GAREM1: variants seen among roughly 807,000 people sequenced by gnomAD.
GAREM1 encodes GRB2 associated regulator of MAPK1 subtype 1.
Under a neutral mutation model 71.3 loss-of-function variants are expected in GAREM1, and 26 were observed. The ratio of observed to expected loss-of-function variants is 0.36; its 90% CI spans 0.27 to 0.51. GAREM1 has a LOEUF of 0.51. GAREM1 is among the 20% of genes least tolerant of loss of function. The pLI is 0.95. For synonymous variants in GAREM1, 440 were observed against 433.2 expected (o/e 1.02, Z -0.20); for missense variants, 1,026 against 1,103.1 (o/e 0.93, Z 0.99).
At chr18:32,452,421 C>T (rs1413857876) in intron 1 of GAREM1, among the ~76,000 whole-genome samples, 1 of 152,180 alleles carries the variant, frequency 6.6e-6, no homozygotes, top group African/African-American at 2.4e-5. Flanking sequence ...TCTGTTCAGG[C>T]GTTCCAAACC....
intron 2 of GAREM1, among the ~76,000 whole-genome samples, chr18:32,365,685 A>C (rs11873196): frequency 0.013 from 1,951 of 151,978 alleles, 52 homozygotes; most frequent in African/African-American, 0.045. Flanking sequence ...CCTGCTTCAC[A>C]CTCCCACTAC....
chr18:32,282,023 G>C (rs916883690), intron 4 of GAREM1, among the ~76,000 whole-genome samples: 1 of 151,656 alleles, frequency 6.6e-6, no homozygotes, highest in Non-Finnish European at 1.5e-5. Context: ...AGCACCTTGC[G>C]ACCCCCACTC....
At chr18:32,453,974 AG>A (rs895217517) in intron 1 of GAREM1, among the ~76,000 whole-genome samples, 3 of 152,110 alleles carry the variant, frequency 2.0e-5, no homozygotes, top group African/African-American at 7.2e-5. Flanking sequence ...CAGAATCTAT[AG>A]GGGGGTGGGG....
chr18:32,271,932 T>C lies in GAREM1; in HGVS notation c.1567-1549A>G, dbSNP rs148821764. Among the ~76,000 whole-genome samples the C allele has an allele frequency of 3.1e-3, 472 of 152,314 alleles. 3 individuals are homozygous for C. Among genetic ancestry groups the C allele is most frequent in the African/African-American group, 0.011 (445 of 41,574 alleles). On this transcript the variant is annotated intron_variant, in intron 4 of 5. Transcript: ENST00000269209. ...GGCTCTGCTAGTCTACCCTAAGCTATAGAGGTAAAAATATTAACAGAGCCA... is the reference window on the plus strand; with the variant it reads ...GGCTCTGCTAGTCTACCCTAAGCTACAGAGGTAAAAATATTAACAGAGCCA...
intron 4 of GAREM1, among the ~76,000 whole-genome samples, chr18:32,271,203 T>TA (rs2041457842): frequency 6.6e-6 from 1 of 152,100 alleles, no homozygotes; most frequent in African/African-American, 2.4e-5. Flanking sequence ...TTATTTTTTT[T>TA]ATTTTTCAAG....
At chr18:32,317,901 C>T (rs967904310) in intron 2 of GAREM1, among the ~76,000 whole-genome samples, 2 of 150,320 alleles carry the variant, frequency 1.3e-5, no homozygotes, top group Admixed American at 1.3e-4. Context: ...CACATATTCC[C>T]ACAATCCCCA....
Position 32,268,343 on chromosome 18 carries a change from G to A in GAREM1, c.2159C>T (p.Thr720Met), listed in dbSNP as rs2276374. Residue 720 changes from threonine to methionine, a missense_variant, in exon 6 of 6, where the codon ACG (threonine) becomes ATG (methionine). Physicochemically the swap from Thr to Met is moderately conservative, Grantham distance 81. Around this residue, in one of 3 missense-constraint regions of GAREM1, gnomAD observed 636 missense variants for 631.2 expected, o/e 1.01. Transcript: ENST00000269209. The stretch of plus-strand genomic sequence containing the variant: ...CCTGGGGGGTAAGGCAGGGCATGAC[G>A]TACTCTGCTTTGTCACACCAGCTGC... ...SLAAGVTKQS[T>M]SCPALPPRAP... The A allele has an allele frequency of 4.2e-4, 685 of 1,614,124 alleles. 4 individuals carry two copies. In the East Asian group the frequency reaches 0.012, roughly 28 times the overall value.
chr18:32,311,617 T>A (rs575138714), intron 2 of GAREM1, among the ~76,000 whole-genome samples: 1 of 152,028 alleles, frequency 6.6e-6, no homozygotes, highest in Non-Finnish European at 1.5e-5. Flanking sequence ...AGGGTCGTGC[T>A]TGGTAGTTGC....
chr18:32,343,938 C>G (rs1191275202), intron 2 of GAREM1, among the ~76,000 whole-genome samples: 1 of 152,128 alleles, frequency 6.6e-6, no homozygotes, highest in Non-Finnish European at 1.5e-5. Context: ...GCTCCTTTCC[C>G]CCACAAGCCT....
chr18:32,267,575 T>A lies in GAREM1; in HGVS notation c.*296A>T. 1 of 238,422 alleles carries A rather than the reference T, an allele frequency of 4.2e-6. No individual in the cohort carries two copies. Among genetic ancestry groups the A allele is most frequent in the Admixed American group, 5.2e-5 (1 of 19,236 alleles). 14.8% of individuals were successfully genotyped at this position (238,422 alleles called of 1,614,324 possible). A position where few individuals can be genotyped will look rare whatever the true frequency, so the allele number is the denominator to read the frequency against. On this transcript the variant is annotated 3_prime_UTR_variant, in exon 6 of 6. Coordinates refer to ENST00000269209, the MANE Select transcript of GAREM1 (RefSeq NM_001242409.2). ...GTAATAAATATCATACCTTCTCACA[T>A]AAACCTACTTGGGTAAGAATGATTT... is the stretch of plus-strand genomic sequence containing the variant.
At position 32,263,876 on chromosome 18, in the gene GAREM1, A is replaced by G. The variant is rs2041338241; in HGVS notation, c.*3995T>C. The stretch of plus-strand genomic sequence containing the variant: ...GCTAAGAAATTATCTGAGCCCTACT[A>G]CATGAGATTGTAAACAAAGGAAATT... On this transcript the variant is annotated 3_prime_UTR_variant, in exon 6 of 6. Coordinates refer to ENST00000269209, the MANE Select transcript of GAREM1 (RefSeq NM_001242409.2). 6.6e-6 allele frequency: 1 copy of G among 152,250 alleles called. No individual in the cohort carries two copies. Among genetic ancestry groups the G allele is most frequent in the Non-Finnish European group, 1.5e-5 (1 of 68,040 alleles). The allele number at this position is 152,250 out of a possible 1,614,324, so 9.4% of individuals were successfully genotyped here.
At chr18:32,416,711 C>T (rs757844716) in intron 1 of GAREM1, among the ~76,000 whole-genome samples, 16 of 152,098 alleles carry the variant, frequency 1.1e-4, no homozygotes, top group Non-Finnish European at 2.2e-4. Flanking sequence ...TTGCCATATA[C>T]AAAATTCAAA....
chr18:32,291,895 T>G (rs1449747944), intron 3 of GAREM1, among the ~76,000 whole-genome samples: 2 of 152,232 alleles, frequency 1.3e-5, no homozygotes, highest in African/African-American at 4.8e-5. Context: ...CTATCATTGA[T>G]GGGCATTTGA....
At chr18:32,411,940 G>T (rs2048422604) in intron 1 of GAREM1, among the ~76,000 whole-genome samples, 1 of 151,242 alleles carries the variant, frequency 6.6e-6, no homozygotes, top group South Asian at 2.1e-4. Context: ...CAACAGCATG[G>T]GTGCAAAAAA....
At chr18:32,372,083 G>A (rs1451759415) in intron 2 of GAREM1, among the ~76,000 whole-genome samples, 1 of 152,126 alleles carries the variant, frequency 6.6e-6, no homozygotes, top group Admixed American at 6.5e-5. Context: ...AAGGTGGATC[G>A]GATTGCTTTG....
At chr18:32,312,896 CA>C (rs750464189) in intron 2 of GAREM1, among the ~76,000 whole-genome samples, 3 of 152,062 alleles carry the variant, frequency 2.0e-5, no homozygotes, top group Non-Finnish European at 2.9e-5. Flanking sequence ...TGGAAGCTTC[CA>C]ATTTTTCCAG....
intron 1 of GAREM1, among the ~76,000 whole-genome samples, chr18:32,399,838 G>A: frequency 6.6e-6 from 1 of 152,024 alleles, no homozygotes; most frequent in Non-Finnish European, 1.5e-5. Flanking sequence ...AGTTCATATG[G>A]AACCAAAAAA....
chr18:32,373,033 T>C (rs978005510), intron 2 of GAREM1, among the ~76,000 whole-genome samples: 2 of 152,162 alleles, frequency 1.3e-5, no homozygotes, highest in East Asian at 1.9e-4. Flanking sequence ...AGGAACATGT[T>C]TGACAATGCT....
At chr18:32,448,996 T>G (rs949370972) in intron 1 of GAREM1, among the ~76,000 whole-genome samples, 1 of 152,222 alleles carries the variant, frequency 6.6e-6, no homozygotes, top group African/African-American at 2.4e-5. Flanking sequence ...TCTCTCATTT[T>G]ATGATAAGCA....
Sources: gnomAD v4.1 joint callset for allele counts (sites outside exome capture counted in the v4.1 genomes callset) on GRCh38, gnomAD v4.1.1 for gene constraint, gnomAD v4.1.1 regional missense constraint, MANE v1.5 for transcripts, NCBI Gene and HGNC (gene_info 2026-07-23, HGNC 2026-07-21) for gene names.